Variants in PKP4 observed in about 807,000 individuals in gnomAD.
PKP4 encodes the protein plakophilin 4.
A neutral mutation model predicts 145.1 loss-of-function variants in PKP4; 90 were observed. The observed-to-expected ratio is 0.62, with a 90% CI of 0.52 to 0.74. The LOEUF (loss-of-function observed/expected upper bound fraction) is 0.74. Among genes scored for constraint, PKP4 ranks in the 30% least tolerant of loss-of-function variants. PKP4 has a pLI of 0.00. For missense variants in PKP4, 1,340 were observed against 1,482.7 expected, an observed-to-expected ratio of 0.90 and a Z score of 1.58; for synonymous variants, 563 against 577.2, an observed-to-expected ratio of 0.98 and a Z score of 0.35.
At chr2:158,623,367 G>A (rs1474856945) in intron 6 of PKP4, among the ~76,000 whole-genome samples, 1 of 151,946 alleles carries the variant, frequency 6.6e-6, no homozygotes, top group African/African-American at 2.4e-5. Context: ...GTTTTTTGTA[G>A]AGGCTGGGCC....
At chr2:158,521,287 C>T (rs190450192) in intron 1 of PKP4, among the ~76,000 whole-genome samples, 1 of 152,150 alleles carries the variant, frequency 6.6e-6, no homozygotes, top group African/African-American at 2.4e-5. Context: ...CTACTCATTG[C>T]AGTATTAATG....
At chr2:158,664,409 G>A (rs750228856) in intron 15 of PKP4, among the ~76,000 whole-genome samples, 1 of 152,104 alleles carries the variant, frequency 6.6e-6, no homozygotes, top group Non-Finnish European at 1.5e-5. Context: ...CTTTCTAAAT[G>A]TCCCCCAGCA....
chr2:158,530,467 T>TCTCA (rs1184647716), intron 1 of PKP4, among the ~76,000 whole-genome samples: 1 of 151,320 alleles, frequency 6.6e-6, no homozygotes, highest in African/African-American at 2.4e-5. Flanking sequence ...AGGCCTAATT[T>TCTCA]CTCACAGTCT....
chr2:158,633,604 G>A (rs1008792136), intron 8 of PKP4, among the ~76,000 whole-genome samples: 2 of 152,096 alleles, frequency 1.3e-5, no homozygotes, highest in African/African-American at 4.8e-5. Context: ...CTGAAACCAT[G>A]GAAAGCAAAA....
chr2:158,496,272 C>G (rs1032932887), intron 1 of PKP4, among the ~76,000 whole-genome samples: 1 of 152,118 alleles, frequency 6.6e-6, no homozygotes, highest in Non-Finnish European at 1.5e-5. Context: ...TGAGCCACTG[C>G]GCCTGGCCCA....
intron 1 of PKP4, among the ~76,000 whole-genome samples, chr2:158,476,660 C>G: frequency 6.6e-6 from 1 of 151,992 alleles, no homozygotes; most frequent in East Asian, 1.9e-4. Flanking sequence ...ATAAAATAGT[C>G]TCAGATTAGA....
rs560877775 is a variant in PKP4, at chr2:158,522,678, G to A, written c.-5-10502G>A. On this transcript the variant is annotated intron_variant, in intron 1 of 21. Transcript: ENST00000389759. ...CCGGTCTACAGCTCCCAGCGTGAGC[G>A]ACGCAGAAGACGGGTGATTTCTGCA... Among the ~76,000 whole-genome samples the A allele has an allele frequency of 2.9e-3, 446 of 152,354 alleles. 4 individuals carry two copies. The highest frequency in any genetic ancestry group is 0.01 in the African/African-American group (421 of 41,592).
intron 2 of PKP4, among the ~76,000 whole-genome samples, chr2:158,561,029 G>C (rs919899876): frequency 1.3e-5 from 2 of 152,176 alleles, no homozygotes; most frequent in South Asian, 2.1e-4. Context: ...TTTATAGCCT[G>C]CAAGCTAAGA....
Position 158,603,874 on chromosome 2 carries a change from G to A in PKP4, c.280+770G>A, listed in dbSNP as rs1486395879. Among the ~76,000 whole-genome samples the A allele has an allele frequency of 3.9e-5, 6 of 152,310 alleles. No individual in the cohort carries two copies. In the South Asian group the frequency reaches 1.2e-3, roughly 32 times the overall value. On this transcript the variant is annotated intron_variant, in intron 4 of 21. Coordinates refer to ENST00000389759, the MANE Select transcript of PKP4 (RefSeq NM_003628.6). ...GCCCTTTTCAAACAAGACTTGAATT[G>A]AGGAAGACTTAGATAACCAAATGCC...
chr2:158,565,379 T>G (rs1156985751), intron 2 of PKP4, among the ~76,000 whole-genome samples: 1 of 151,972 alleles, frequency 6.6e-6, no homozygotes, highest in African/African-American at 2.4e-5. Flanking sequence ...TCAAATAAAT[T>G]AGTCTGAACA....
intron 1 of PKP4, among the ~76,000 whole-genome samples, chr2:158,466,804 C>T (rs944579127): frequency 5.3e-5 from 8 of 152,174 alleles, no homozygotes; most frequent in African/African-American, 1.9e-4. Flanking sequence ...TTTCATAATG[C>T]TCTTTATCAT....
At position 158,621,433 on chromosome 2, in the gene PKP4, G is replaced by T. The variant is rs375356656; in HGVS notation, c.603+12G>T. The T allele has an allele frequency of 3.1e-6, 5 of 1,609,616 alleles. No homozygotes were observed. The African/African-American group carries it at 4.0e-5, about 13-fold the overall frequency. On this transcript the variant is annotated intron_variant, in intron 6 of 21. Transcript: ENST00000389759. ...AAACACTGGTTCAGGTAAGCCAAAC[G>T]CATCAAGATCTCTGCAAAGAAATAC... is the stretch of plus-strand genomic sequence containing the variant.
chr2:158,620,802 A>T (rs1250484762), intron 4 of PKP4, among the ~76,000 whole-genome samples, 188 bp from the exon 5 acceptor site: 1 of 152,236 alleles, frequency 6.6e-6, no homozygotes, highest in African/African-American at 2.4e-5. Context: ...AGCAAAATAT[A>T]TTAATGAAGT....
chr2:158,539,372 T>C lies in PKP4; in HGVS notation c.132+6056T>C, dbSNP rs115281406. On this transcript the variant is annotated intron_variant, in intron 2 of 21. Coordinates refer to ENST00000389759, the MANE Select transcript of PKP4 (RefSeq NM_003628.6). ...ATTATTTACTTTATTCCTCTGGAAC[T>C]GAAACAACTCAGCTGTTACACACCT... is the stretch of plus-strand genomic sequence containing the variant. Among the ~76,000 whole-genome samples the C allele has an allele frequency of 5.0e-3, 766 of 152,332 alleles. 2 individuals carry two copies. Among genetic ancestry groups the C allele is most frequent in the African/African-American group, 0.017 (715 of 41,580 alleles).
intron 1 of PKP4, among the ~76,000 whole-genome samples, chr2:158,497,020 A>T (rs542258611): frequency 6.6e-6 from 1 of 152,114 alleles, no homozygotes; most frequent in African/African-American, 2.4e-5. Context: ...TGATATGTTG[A>T]TTTCCTTAAA....
At chr2:158,508,280 G>C (rs1466081223) in intron 1 of PKP4, among the ~76,000 whole-genome samples, 3 of 149,792 alleles carry the variant, frequency 2.0e-5, no homozygotes, top group Non-Finnish European at 3.0e-5. Context: ...CAGGAGAATT[G>C]CTTGAACCTG....
At chr2:158,618,226 C>A (rs1205586037) in intron 4 of PKP4, among the ~76,000 whole-genome samples, 1 of 152,078 alleles carries the variant, frequency 6.6e-6, no homozygotes, top group South Asian at 2.1e-4. Context: ...AAGTTGATTG[C>A]TTTATACTAA....
At chr2:158,572,637 T>C (rs1029039752) in intron 2 of PKP4, among the ~76,000 whole-genome samples, 7 of 152,226 alleles carry the variant, frequency 4.6e-5, no homozygotes, top group Non-Finnish European at 1.0e-4. Flanking sequence ...GTAAGAAATC[T>C]GTCCCACAGA....
At chr2:158,457,418 C>G (rs1688944119) in intron 1 of PKP4, 200 bp downstream of exon 1, 1 of 152,368 alleles carries the variant, frequency 6.6e-6, no homozygotes, top group Non-Finnish European at 1.5e-5. Flanking sequence ...CCTGCTGCTC[C>G]CCTCCCCCCG....
Sources: gnomAD v4.1 joint callset for allele counts (sites outside exome capture counted in the v4.1 genomes callset) on GRCh38, gnomAD v4.1.1 for gene constraint, MANE v1.5 for transcripts, NCBI Gene and HGNC (gene_info 2026-07-23, HGNC 2026-07-21) for gene names.